Variants in SEPTIN9 observed in about 807,000 individuals in gnomAD.
SEPTIN9 encodes the protein septin-9.
SEPTIN9 carries 13 observed loss-of-function variants against 56.6 expected under a neutral mutation model. The observed-to-expected ratio is 0.23, with a 90% CI of 0.15 to 0.37. The LOEUF (loss-of-function observed/expected upper bound fraction) is 0.37. Ranked by LOEUF, SEPTIN9 falls within the 10% of genes least tolerant of loss-of-function variation. The pLI is 1.00. For synonymous variants in SEPTIN9, 332 were observed against 334.1 expected (o/e 0.99, Z 0.07); for missense variants, 650 against 823.1 (o/e 0.79, Z 2.57).
Position 77,443,415 on chromosome 17 carries a change from TTTAATA to T in SEPTIN9, c.722-38728_722-38723del, listed in dbSNP as rs1303562546. On this transcript the variant is annotated intron_variant, in intron 3 of 11. Transcript: ENST00000427177. ...TATTATTTAAAAGTAAGGTCACACT[TTTAATA>T]ATAAGTCACATTTTAAGTTATTATC... 7.9e-5 allele frequency among the ~76,000 whole-genome samples: 12 copies of T among 152,312 alleles called. 1 individual carries two copies. Among genetic ancestry groups the T allele is most frequent in the Admixed American group, 7.2e-4 (11 of 15,294 alleles).
intron 3 of SEPTIN9, among the ~76,000 whole-genome samples, chr17:77,404,608 T>C (rs1110638): frequency 0.41 from 62,681 of 151,792 alleles, 13,467 homozygotes; most frequent in African/African-American, 0.51. Flanking sequence ...GCTGGGAGGA[T>C]GTGGGGCCTG....
At chr17:77,430,985 C>T (rs867210120) in intron 3 of SEPTIN9, among the ~76,000 whole-genome samples, 1 of 144,184 alleles carries the variant, frequency 6.9e-6, no homozygotes, top group African/African-American at 2.8e-5. Context: ...AGCAATACTC[C>T]GTATCAAAAA....
intron 2 of SEPTIN9, among the ~76,000 whole-genome samples, chr17:77,348,719 GA>G (rs1171769901): frequency 6.6e-6 from 1 of 152,098 alleles, no homozygotes; most frequent in African/African-American, 2.4e-5. Context: ...TTTCTTCATG[GA>G]AAAAAAGTGT....
At position 77,330,538 on chromosome 17, in the gene SEPTIN9, G is replaced by A. The variant is rs942985017; in HGVS notation, c.76+23341G>A. ...GGATTCTTCCTCCGTTCTCCCCTGG[G>A]CAGTGTTTCTGTTCACCTGGAAAGG... On this transcript the variant is annotated intron_variant, in intron 2 of 11. Coordinates refer to ENST00000427177, the MANE Select transcript of SEPTIN9 (RefSeq NM_001113491.2). The surrounding 1 kb of genome is among the most constrained non-coding windows in gnomAD (Gnocchi z 4.4). Among the ~76,000 whole-genome samples the A allele has an allele frequency of 1.3e-5, 2 of 152,188 alleles. No individual in the cohort carries two copies. The highest frequency in any genetic ancestry group is 2.4e-5 in the African/African-American group (1 of 41,436).
chr17:77,385,046 A>AT (rs1267719869), intron 2 of SEPTIN9, among the ~76,000 whole-genome samples: 1 of 151,834 alleles, frequency 6.6e-6, no homozygotes, highest in African/African-American at 2.4e-5. Context: ...AATAGATGTT[A>AT]TTTTTTAAAG....
At chr17:77,340,918 G>A (rs540021336) in intron 2 of SEPTIN9, among the ~76,000 whole-genome samples, 47 of 152,292 alleles carry the variant, frequency 3.1e-4, no homozygotes, top group African/African-American at 1.0e-3. Context: ...TCCTTCTCCA[G>A]CTTCCTCACT....
At chr17:77,344,649 C>T (rs762885125) in intron 2 of SEPTIN9, among the ~76,000 whole-genome samples, 3 of 152,144 alleles carry the variant, frequency 2.0e-5, no homozygotes, top group Non-Finnish European at 2.9e-5. Context: ...TGTGGTCCAT[C>T]TGTACAGTGG....
chr17:77,324,692 T>C (rs942361169), intron 2 of SEPTIN9, among the ~76,000 whole-genome samples: 3 of 152,198 alleles, frequency 2.0e-5, no homozygotes, highest in Non-Finnish European at 2.9e-5. Context: ...ATTTGGATGA[T>C]TGTTGTTGCT....
Position 77,475,370 on chromosome 17 carries a change from A to G in SEPTIN9, c.722-6774A>G, listed in dbSNP as rs2039165469. 2 of 1,439,434 alleles carry G rather than the reference A, an allele frequency of 1.4e-6. No homozygotes were observed. Among genetic ancestry groups the G allele is most frequent in the South Asian group, 1.5e-5 (1 of 66,538 alleles). The allele number at this position is 1,439,434 out of a possible 1,614,324, so 89.2% of individuals were successfully genotyped here. ...CAGGGATCTGAAGGACTTTGCAGGC[A>G]CCCAGGGAGATAGGAGAGGAGGAGG... On this transcript the variant is annotated intron_variant, in intron 3 of 11. Transcript: ENST00000427177. The surrounding 1 kb of genome is among the most constrained non-coding windows in gnomAD (Gnocchi z 4.6).
intron 7 of SEPTIN9, 73 bp downstream of exon 7, chr17:77,488,937 G>A (rs1160238604): frequency 6.4e-6 from 10 of 1,571,904 alleles, no homozygotes; most frequent in South Asian, 1.1e-5. Context: ...ACTGCAAGAC[G>A]GTGCTGTCTG....
Position 77,317,012 on chromosome 17 carries a change from C to T in SEPTIN9, c.76+9815C>T, listed in dbSNP as rs954345864. Among the ~76,000 whole-genome samples the T allele has an allele frequency of 8.5e-5, 13 of 152,180 alleles. No homozygotes were observed. The highest frequency in any genetic ancestry group is 1.8e-4 in the Non-Finnish European group (12 of 68,036). ...AAAGAAACAAACCAAGAAACCTCTGCGATTCCTGCCCATCGGAGTCAGTGG... is the reference window on the plus strand; with the variant it reads ...AAAGAAACAAACCAAGAAACCTCTGTGATTCCTGCCCATCGGAGTCAGTGG... On this transcript the variant is annotated intron_variant, in intron 2 of 11. Coordinates refer to ENST00000427177, the MANE Select transcript of SEPTIN9 (RefSeq NM_001113491.2). The surrounding 1 kb of genome is among the most constrained non-coding windows in gnomAD (Gnocchi z 4.2).
In SEPTIN9 at chr17:77,492,663, C is replaced by A. The variant is rs750807119; in HGVS notation, c.1423C>A (p.Gln475Lys). The A allele has an allele frequency of 3.7e-6, 6 of 1,614,150 alleles. No individual in the cohort carries two copies. The South Asian group carries it at 6.6e-5, about 18-fold the overall frequency. ...LLSNGIDVYP[Q>K]KEFDEDSEDR... ...GTCCAACGGCATCGACGTGTACCCC[C>A]AGAAGGAATTTGATGAGGACTCGGA... The change falls in exon 9 of 12, where the codon CAG (glutamine) becomes AAG (lysine). Residue 475 changes from glutamine to lysine, a missense_variant. Transcript: ENST00000427177. This position sits in a 1 kb window ranked among gnomAD's most constrained non-coding sequence, Gnocchi z 5.4.
At chr17:77,466,099 CACACACACGA>C (rs1475687039) in intron 3 of SEPTIN9, among the ~76,000 whole-genome samples, 4 of 141,406 alleles carry the variant, frequency 2.8e-5, no homozygotes, top group Admixed American at 7.0e-5. Flanking sequence ...CACACACACA[CACACACACGA>C]GTAAACTGTA....
At chr17:77,350,786 C>T (rs2034035323) in intron 2 of SEPTIN9, among the ~76,000 whole-genome samples, 1 of 152,180 alleles carries the variant, frequency 6.6e-6, no homozygotes, top group Admixed American at 6.5e-5. Flanking sequence ...TGGGTAGATG[C>T]CACGAGGCAT....
rs1475626042 is a variant in SEPTIN9 at position 77,499,271 on chromosome 17, C to T, written c.*613C>T. ...TCCAAGCCCCCTGGCAGCTGCCCCT[C>T]CTGGAGCAGAAAGTGCCTTTATCTC... On this transcript the variant is annotated 3_prime_UTR_variant, in exon 12 of 12. Transcript: ENST00000427177. 3.3e-6 allele frequency: 2 copies of T among 597,758 alleles called. No individual in the cohort carries two copies. The highest frequency in any genetic ancestry group is 1.8e-5 in the African/African-American group (1 of 55,752). 37.0% of individuals were successfully genotyped at this position (597,758 alleles called of 1,614,324 possible). A position where few individuals can be genotyped will look rare whatever the true frequency, so the allele number is the denominator to read the frequency against.
intron 2 of SEPTIN9, among the ~76,000 whole-genome samples, chr17:77,334,725 T>A (rs1185798560): frequency 2.0e-5 from 3 of 152,288 alleles, no homozygotes; most frequent in Admixed American, 1.3e-4. Context: ...TGATTCCTTT[T>A]ATTTTTTAAT....
intron 3 of SEPTIN9, among the ~76,000 whole-genome samples, chr17:77,460,077 C>A (rs946234631): frequency 1.3e-5 from 2 of 152,060 alleles, no homozygotes; most frequent in Admixed American, 1.3e-4. Context: ...AGCCCCACCC[C>A]CCCCAGGCCT....
At chr17:77,393,938 A>G (rs1180707089) in intron 2 of SEPTIN9, among the ~76,000 whole-genome samples, 5 of 152,102 alleles carry the variant, frequency 3.3e-5, no homozygotes, top group Admixed American at 2.6e-4. Context: ...CACTGAGGAC[A>G]CTGAGGCTCA....
At chr17:77,464,462 T>A (rs973455055) in intron 3 of SEPTIN9, among the ~76,000 whole-genome samples, 3 of 151,376 alleles carry the variant, frequency 2.0e-5, no homozygotes, top group Admixed American at 6.6e-5. Context: ...ATTAAGTGAG[T>A]GCTGGCAGTG....
Sources: gnomAD v4.1 joint callset for allele counts (sites outside exome capture counted in the v4.1 genomes callset) on GRCh38, gnomAD v4.1.1 for gene constraint, Gnocchi (gnomAD v3.1) non-coding constraint, MANE v1.5 for transcripts, NCBI Gene and HGNC (gene_info 2026-07-23, HGNC 2026-07-21) for gene names.